Variants in NXPE2 observed in about 807,000 individuals in gnomAD.
NXPE2 encodes NXPE family member 2.
NXPE2 carries 34 observed loss-of-function variants against 34.4 expected under a neutral mutation model. The observed-to-expected ratio is 0.99, with a 90% CI of 0.75 to 1.31. The LOEUF is 1.31. NXPE2 is among the 40% of genes most tolerant of loss of function. The pLI is 0.00. For synonymous variants in NXPE2, 235 were observed against 231.3 expected, an observed-to-expected ratio of 1.02 and a Z score of -0.15; for missense variants, 649 against 672.5, an observed-to-expected ratio of 0.97 and a Z score of 0.39.
chr11:114,578,810 C>G, the NXPE2 span, among the ~76,000 whole-genome samples: 1 of 152,138 alleles, frequency 6.6e-6, no homozygotes, highest in Non-Finnish European at 1.5e-5. Flanking sequence ...GTAAATAGAG[C>G]AACTGAACTA....
the NXPE2 span, among the ~76,000 whole-genome samples, chr11:114,488,766 A>AAAATTGAC: frequency 2.0e-5 from 3 of 152,238 alleles, no homozygotes; most frequent in Non-Finnish European, 2.9e-5. Flanking sequence ...GGAAAGATGA[A>AAAATTGAC]AAATTGACAC....
the NXPE2 span, among the ~76,000 whole-genome samples, chr11:114,758,363 C>T: frequency 6.6e-6 from 1 of 152,218 alleles, no homozygotes; most frequent in African/African-American, 2.4e-5. Flanking sequence ...CTCAGCTTCT[C>T]TTCAAATGTT....
chr11:114,706,683 T>C lies in NXPE2; in HGVS notation c.1433T>C (p.Leu478Ser), dbSNP rs1951480277. ...CAAAAGGCCATTGAACGTCTATTCT[T>C]GCGAAGCCCGGAGACCAAGGTGATA... Reference protein sequence around the residue: ...NIQKAIERLFLRSPETKVILK... With the variant: ...NIQKAIERLFSRSPETKVILK... Residue 478 changes from leucine (L) to serine (S), a missense_variant, in exon 6 of 6, where the codon TTG becomes TCG. By Grantham distance (145) the Leu-to-Ser change is moderately radical. Transcript: ENST00000389586. 6.4e-7 allele frequency: 1 copy of C among 1,552,112 alleles called. No homozygotes were observed.
chr11:114,593,677 T>C, the NXPE2 span, among the ~76,000 whole-genome samples: 1 of 152,130 alleles, frequency 6.6e-6, no homozygotes, highest in Non-Finnish European at 1.5e-5. Flanking sequence ...GCTAGGTATA[T>C]ACCCAAAATA....
At chr11:114,682,557 G>A (rs1199412966) in intron 2 of NXPE2, among the ~76,000 whole-genome samples, 8 of 152,150 alleles carry the variant, frequency 5.3e-5, no homozygotes, top group Admixed American at 2.0e-4. Context: ...AGAAGTCAAA[G>A]CCCTGTAGCT....
chr11:114,516,438 A>G, the NXPE2 span, among the ~76,000 whole-genome samples: 2 of 152,202 alleles, frequency 1.3e-5, no homozygotes, highest in African/African-American at 4.8e-5. Context: ...TGGAGTATCA[A>G]ATCTTTCCCA....
chr11:114,578,376 A>C, the NXPE2 span, among the ~76,000 whole-genome samples: 3 of 152,330 alleles, frequency 2.0e-5, no homozygotes, highest in East Asian at 5.8e-4. Context: ...CGAAGAGGGT[A>C]GGTAACTCCA....
the NXPE2 span, among the ~76,000 whole-genome samples, chr11:114,633,441 C>T: frequency 6.9e-6 from 1 of 143,958 alleles, no homozygotes; most frequent in African/African-American, 2.5e-5. Flanking sequence ...GTATAGTATA[C>T]AATGTATATT....
the NXPE2 span, among the ~76,000 whole-genome samples, chr11:114,745,835 T>TTATATAATGTTACA: frequency 6.6e-6 from 1 of 152,142 alleles, no homozygotes; most frequent in Non-Finnish European, 1.5e-5. Flanking sequence ...AATTTTAATG[T>TTATATAATGTTACA]TATATAATGT....
chr11:114,614,499 G>A, the NXPE2 span, among the ~76,000 whole-genome samples: 181 of 151,246 alleles, frequency 1.2e-3, 2 homozygotes, highest in South Asian at 0.028. Flanking sequence ...ACAGTTACCC[G>A]GTGGATAATA....
At chr11:114,775,267 G>A in the NXPE2 span, among the ~76,000 whole-genome samples, 1 of 152,192 alleles carries the variant, frequency 6.6e-6, no homozygotes, top group Non-Finnish European at 1.5e-5. Flanking sequence ...TGAGAGGCTG[G>A]CCAGGGTTTG....
chr11:114,484,909 G>C, the NXPE2 span, among the ~76,000 whole-genome samples: 2 of 152,146 alleles, frequency 1.3e-5, no homozygotes, highest in Non-Finnish European at 2.9e-5. Context: ...TTTCCTAGCT[G>C]GGTGCTAACT....
chr11:114,486,473 T>C, the NXPE2 span, among the ~76,000 whole-genome samples: 5 of 152,172 alleles, frequency 3.3e-5, no homozygotes, highest in African/African-American at 1.2e-4. Context: ...GTGGATTGTT[T>C]CCTTTGCTGT....
the NXPE2 span, chr11:114,584,284 T>C: frequency 1.8e-5 from 9 of 508,552 alleles, no homozygotes; most frequent in African/African-American, 1.0e-4. Context: ...TTTCAAGCCC[T>C]ACATCAGTCC....
At chr11:114,759,243 C>T in the NXPE2 span, among the ~76,000 whole-genome samples, 2 of 152,194 alleles carry the variant, frequency 1.3e-5, no homozygotes, top group Admixed American at 6.5e-5. Flanking sequence ...GTCCTCGGAG[C>T]CTCCTTTAGG....
At chr11:114,546,539 C>T in the NXPE2 span, among the ~76,000 whole-genome samples, 5 of 150,856 alleles carry the variant, frequency 3.3e-5, no homozygotes, top group East Asian at 5.8e-4. Flanking sequence ...TGGCCTCAAA[C>T]GATCCTCCCA....
intron 2 of NXPE2, among the ~76,000 whole-genome samples, chr11:114,692,625 T>C (rs553754574): frequency 1.3e-4 from 20 of 152,322 alleles, no homozygotes; most frequent in Admixed American, 1.3e-3. Context: ...GGGATTTCTC[T>C]CTTACTGTTT....
upstream of NXPE2, among the ~76,000 whole-genome samples, chr11:114,677,283 C>T (rs1450896046): frequency 2.0e-5 from 3 of 151,936 alleles, no homozygotes; most frequent in African/African-American, 7.3e-5. Context: ...GTTCTCACCA[C>T]ACAAATAAAA....
rs1411179760 is a variant in NXPE2 at position 114,697,517 on chromosome 11, G to A, written c.133-528G>A. 2.0e-5 allele frequency among the ~76,000 whole-genome samples: 3 copies of A among 152,164 alleles called. No homozygotes were observed. The East Asian group carries it at 5.8e-4, about 29-fold the overall frequency. On this transcript the variant is annotated intron_variant, in intron 2 of 5. Transcript: ENST00000389586. Reference sequence around the variant, plus strand: ...TAAGTCACTAAATTTGTGATGCTTTGTGATGTCAGCCCCATGAAACTAATA... The same window carrying A: ...TAAGTCACTAAATTTGTGATGCTTTATGATGTCAGCCCCATGAAACTAATA...
Sources: gnomAD v4.1 joint callset for allele counts (sites outside exome capture counted in the v4.1 genomes callset) on GRCh38, gnomAD v4.1.1 for gene constraint, MANE v1.5 for transcripts, NCBI Gene and HGNC (gene_info 2026-07-23, HGNC 2026-07-21) for gene names.